The following STK32B variants were observed in gnomAD, a reference collection of about 807,000 sequenced individuals.
The protein encoded by STK32B is serine/threonine kinase 32B, also known as serine/threonine-protein kinase 32B.
A neutral mutation model predicts 52.6 loss-of-function variants in STK32B; 43 were observed. That is an observed-to-expected ratio of 0.82 (90% CI 0.64 to 1.05). STK32B has a LOEUF of 1.05. Ranked by LOEUF, STK32B falls within the 50% of genes least tolerant of loss-of-function variation. The pLI is 0.00. For synonymous variants in STK32B, 238 were observed against 204.3 expected, an observed-to-expected ratio of 1.17 and a Z score of -1.41; for missense variants, 621 against 534.6, an observed-to-expected ratio of 1.16 and a Z score of -1.59.
chr4:5,379,504 T>C (rs1451487884), intron 4 of STK32B, among the ~76,000 whole-genome samples: 3 of 152,166 alleles, frequency 2.0e-5, no homozygotes, highest in South Asian at 2.1e-4. Flanking sequence ...TGCTATGGGA[T>C]GGATTGTGCC....
rs1735900737 is a variant in STK32B, at chr4:5,381,000, A to C, written c.435-17207A>C. 6.6e-6 allele frequency among the ~76,000 whole-genome samples: 1 copy of C among 152,114 alleles called. No homozygotes were observed. The highest frequency in any genetic ancestry group is 2.4e-5 in the African/African-American group (1 of 41,422). On this transcript the variant is annotated intron_variant, in intron 4 of 11. Coordinates refer to ENST00000282908, the MANE Select transcript of STK32B (RefSeq NM_018401.3). This position sits in a 1 kb window ranked among gnomAD's most constrained non-coding sequence, Gnocchi z 4.3. ...GGGAAGCAATTTGCAGAGCAGTTAC[A>C]CAGTGTAAATGACCACGCTGATCAT...
the STK32B span, among the ~76,000 whole-genome samples, chr4:5,024,758 G>C: frequency 6.6e-6 from 1 of 152,236 alleles, no homozygotes; most frequent in Non-Finnish European, 1.5e-5. Context: ...GCAAGCCAGA[G>C]TATTGGGGAC....
intron 5 of STK32B, among the ~76,000 whole-genome samples, chr4:5,416,601 T>G (rs1374678889): frequency 6.6e-6 from 1 of 152,152 alleles, no homozygotes; most frequent in Non-Finnish European, 1.5e-5. Context: ...AACTTTTAAT[T>G]CATAAAAAAT....
At chr4:5,351,230 C>T (rs1015954179) in intron 4 of STK32B, among the ~76,000 whole-genome samples, 3 of 141,526 alleles carry the variant, frequency 2.1e-5, no homozygotes, top group African/African-American at 8.1e-5. Flanking sequence ...TAGGTCTCAA[C>T]AAATTTTTAA....
intron 5 of STK32B, among the ~76,000 whole-genome samples, chr4:5,403,421 C>T (rs1737446960): frequency 6.6e-6 from 1 of 152,148 alleles, no homozygotes; most frequent in Non-Finnish European, 1.5e-5. Context: ...CTCTGGCCCA[C>T]ATTTCCCCAC....
chr4:5,321,369 G>T (rs1173792652), intron 3 of STK32B, among the ~76,000 whole-genome samples: 1 of 152,150 alleles, frequency 6.6e-6, no homozygotes, highest in East Asian at 1.9e-4. Flanking sequence ...AATGCCCCTT[G>T]TAAGAGAATG....
At chr4:5,280,445 C>T (rs1483529718) in intron 3 of STK32B, among the ~76,000 whole-genome samples, 1 of 152,184 alleles carries the variant, frequency 6.6e-6, no homozygotes, top group South Asian at 2.1e-4. Context: ...CTGACTCTCC[C>T]TCGTCTCCCT....
intron 6 of STK32B, among the ~76,000 whole-genome samples, chr4:5,437,577 A>T (rs906406007): frequency 6.6e-6 from 1 of 152,186 alleles, no homozygotes; most frequent in African/African-American, 2.4e-5. Flanking sequence ...CTTATTTTCA[A>T]ATATGGCCCT....
intron 4 of STK32B, among the ~76,000 whole-genome samples, chr4:5,337,559 G>T (rs1262532821): frequency 6.6e-6 from 1 of 152,184 alleles, no homozygotes; most frequent in Non-Finnish European, 1.5e-5. Flanking sequence ...TGCCTCACAT[G>T]TATACCATGA....
At chr4:5,338,628 G>A (rs62297273) in intron 4 of STK32B, among the ~76,000 whole-genome samples, 3,080 of 152,274 alleles carry the variant, frequency 0.02, 217 homozygotes, top group Admixed American at 0.14. Context: ...GCTGAGCCAG[G>A]GATGAACAAG....
At chr4:5,024,612 C>CG in the STK32B span, among the ~76,000 whole-genome samples, 1 of 152,290 alleles carries the variant, frequency 6.6e-6, no homozygotes, top group African/African-American at 2.4e-5. Context: ...GTGCTGGAAG[C>CG]GGACCCTGCC....
At chr4:5,462,099 C>CTGTGTGTATGCCTGTGTATCTG in intron 9 of STK32B, among the ~76,000 whole-genome samples, 1 of 152,028 alleles carries the variant, frequency 6.6e-6, no homozygotes, top group South Asian at 2.1e-4. Flanking sequence ...GGAAGTGTGT[C>CTGTGTGTATGCCTGTGTATCTG]TGTGTGTATG....
At chr4:5,446,601 G>T in intron 6 of STK32B, 72 bp from the exon 7 acceptor site, 70 of 1,073,862 alleles carry the variant, frequency 6.5e-5, no homozygotes, top group Non-Finnish European at 8.3e-5. Context: ...TTCTCTCCTT[G>T]TCCCCTCTCT....
At chr4:5,166,052 G>A (rs970184771) in intron 2 of STK32B, among the ~76,000 whole-genome samples, 2 of 152,114 alleles carry the variant, frequency 1.3e-5, no homozygotes, top group Admixed American at 6.5e-5. Flanking sequence ...AGCTGGAGTC[G>A]GAAATCAGGC....
intron 3 of STK32B, among the ~76,000 whole-genome samples, chr4:5,283,513 A>T (rs1427757659): frequency 6.6e-6 from 1 of 152,188 alleles, no homozygotes; most frequent in Non-Finnish European, 1.5e-5. Flanking sequence ...AGTCAAATTT[A>T]ATCCAAAGAG....
rs1186790911 is a variant in STK32B at position 5,494,164 on chromosome 4, A to C, written c.1107-4781A>C. ...ACTTTCTGTCTCGTTGATCTGTCTA[A>C]TGTTGACAGTGGGGTGTTAAAGTCT... On this transcript the variant is annotated intron_variant, in intron 11 of 11. Coordinates refer to ENST00000282908, the MANE Select transcript of STK32B (RefSeq NM_018401.3). Among the ~76,000 whole-genome samples the C allele has an allele frequency of 2.0e-5, 3 of 152,112 alleles. No individual in the cohort carries two copies. The East Asian group carries it at 5.8e-4, about 29-fold the overall frequency.
intron 3 of STK32B, among the ~76,000 whole-genome samples, chr4:5,231,427 G>A (rs1045877710): frequency 1.3e-5 from 2 of 152,004 alleles, no homozygotes; most frequent in Non-Finnish European, 2.9e-5. Context: ...CCTGGCCAAC[G>A]TGGCAAAACC....
chr4:5,113,034 C>A (rs1272293909), intron 1 of STK32B, among the ~76,000 whole-genome samples: 1 of 152,076 alleles, frequency 6.6e-6, no homozygotes, highest in South Asian at 2.1e-4. Flanking sequence ...TGAGATGGAG[C>A]CTCTGTCAGC....
intron 2 of STK32B, among the ~76,000 whole-genome samples, chr4:5,158,429 T>C (rs1325972438): frequency 6.6e-6 from 1 of 152,116 alleles, no homozygotes; most frequent in Non-Finnish European, 1.5e-5. Context: ...TTTGTTCCCC[T>C]CCACCTGCTT....
Sources: allele counts gnomAD v4.1 joint callset (sites outside exome capture counted in the v4.1 genomes callset), GRCh38; gene constraint gnomAD v4.1.1; non-coding constraint Gnocchi (gnomAD v3.1); transcripts MANE v1.5; gene names NCBI Gene and HGNC (gene_info 2026-07-23, HGNC 2026-07-21).